Variants in SPMIP3 observed in about 807,000 individuals in gnomAD.
SPMIP3 encodes protein SPMIP3.
At chr1:244,360,299 A>G in the SPMIP3 span, among the ~76,000 whole-genome samples, 6 of 152,118 alleles carry the variant, frequency 3.9e-5, no homozygotes, top group African/African-American at 1.4e-4. Flanking sequence ...CACTATGGAG[A>G]ACAGTATGAA....
At chr1:244,375,385 C>T in the SPMIP3 span, 31 of 1,613,652 alleles carry the variant, frequency 1.9e-5, no homozygotes, top group Non-Finnish European at 2.6e-5. Context: ...ATTCATCGCT[C>T]ACCAAGGAAG....
the SPMIP3 span, among the ~76,000 whole-genome samples, chr1:244,366,019 T>C: frequency 6.6e-6 from 1 of 152,062 alleles, no homozygotes; most frequent in African/African-American, 2.4e-5. Flanking sequence ...AGTCCGTAAA[T>C]CCTAACCCCA....
the SPMIP3 span, among the ~76,000 whole-genome samples, chr1:244,370,915 T>C: frequency 6.6e-6 from 1 of 152,142 alleles, no homozygotes; most frequent in Non-Finnish European, 1.5e-5. Context: ...CATGTTTACC[T>C]TGCAAGGTGA....
the SPMIP3 span, among the ~76,000 whole-genome samples, chr1:244,366,537 A>G: frequency 6.6e-6 from 1 of 152,216 alleles, no homozygotes; most frequent in Non-Finnish European, 1.5e-5. Flanking sequence ...TCCAGAAACT[A>G]CAGAAGGAGT....
At chr1:244,381,376 C>T in the SPMIP3 span, among the ~76,000 whole-genome samples, 2 of 152,264 alleles carry the variant, frequency 1.3e-5, no homozygotes, top group African/African-American at 4.8e-5. Flanking sequence ...CTTTGCAACT[C>T]CTCTGCTATG....
the SPMIP3 span, among the ~76,000 whole-genome samples, chr1:244,382,077 C>T: frequency 6.6e-6 from 1 of 152,162 alleles, no homozygotes; most frequent in Non-Finnish European, 1.5e-5. Context: ...CTGGTGACCC[C>T]AGTATGATTT....
chr1:244,361,235 C>CTTTTTCTTTT, the SPMIP3 span, among the ~76,000 whole-genome samples: 1 of 119,314 alleles, frequency 8.4e-6, no homozygotes, highest in African/African-American at 3.0e-5. Flanking sequence ...TTCTTTCTTT[C>CTTTTTCTTTT]TTTTTTTTTT....
chr1:244,359,811 A>G, the SPMIP3 span, among the ~76,000 whole-genome samples: 2 of 151,366 alleles, frequency 1.3e-5, no homozygotes, highest in South Asian at 4.2e-4. Context: ...ACAGGTGTAT[A>G]AAAAAAAAGT....
chr1:244,379,809 G>T, the SPMIP3 span, among the ~76,000 whole-genome samples: 1 of 151,958 alleles, frequency 6.6e-6, no homozygotes, highest in East Asian at 2.0e-4. Flanking sequence ...GAGAAACCCT[G>T]TCTCTACTAA....
the SPMIP3 span, among the ~76,000 whole-genome samples, chr1:244,360,623 C>G: frequency 6.6e-6 from 1 of 151,566 alleles, no homozygotes; most frequent in South Asian, 2.1e-4. Flanking sequence ...GTGACTCATG[C>G]CAGTAATCCC....
At chr1:244,366,741 G>A in the SPMIP3 span, among the ~76,000 whole-genome samples, 8 of 152,208 alleles carry the variant, frequency 5.3e-5, no homozygotes, top group East Asian at 1.9e-4. Context: ...TTAGCCAGGC[G>A]TGGTGGCACA....
the SPMIP3 span, among the ~76,000 whole-genome samples, chr1:244,368,123 C>T: frequency 1.3e-5 from 2 of 152,034 alleles, no homozygotes; most frequent in African/African-American, 4.8e-5. Flanking sequence ...CCACACCTGG[C>T]TAATTTTTTA....
At chr1:244,353,631 A>T in the SPMIP3 span, among the ~76,000 whole-genome samples, 1 of 152,176 alleles carries the variant, frequency 6.6e-6, no homozygotes, top group Non-Finnish European at 1.5e-5. Flanking sequence ...CTCAGAAGAG[A>T]GGCCTCCTAG....
At chr1:244,388,102 T>C in the SPMIP3 span, among the ~76,000 whole-genome samples, 1 of 152,004 alleles carries the variant, frequency 6.6e-6, no homozygotes, top group South Asian at 2.1e-4. Context: ...TAATTTTGTG[T>C]ATTTTTAGTA....
chr1:244,382,455 G>A, the SPMIP3 span, among the ~76,000 whole-genome samples: 368 of 152,258 alleles, frequency 2.4e-3, 3 homozygotes, highest in South Asian at 0.037. Flanking sequence ...ATAGAAAGGA[G>A]ACCAGTGTTG....
the SPMIP3 span, among the ~76,000 whole-genome samples, chr1:244,354,867 C>A: frequency 6.6e-6 from 1 of 152,162 alleles, no homozygotes. Flanking sequence ...ACCTCAGCTG[C>A]CTGGAAGGTA....
At chr1:244,377,302 T>A in the SPMIP3 span, among the ~76,000 whole-genome samples, 1 of 151,722 alleles carries the variant, frequency 6.6e-6, no homozygotes, top group African/African-American at 2.4e-5. Flanking sequence ...TTTTTTGTAT[T>A]TTTAGTAGAG....
chr1:244,373,896 T>C, the SPMIP3 span, among the ~76,000 whole-genome samples: 1 of 152,008 alleles, frequency 6.6e-6, no homozygotes, highest in African/African-American at 2.4e-5. Flanking sequence ...GGCGGATCAC[T>C]TGAGGCCAGG....
chr1:244,364,645 A>G, the SPMIP3 span: 7 of 1,511,390 alleles, frequency 4.6e-6, no homozygotes, highest in Non-Finnish European at 6.4e-6. Flanking sequence ...GGAATTATGT[A>G]TAAACTGGCA....
Sources: gnomAD v4.1 joint callset for allele counts (sites outside exome capture counted in the v4.1 genomes callset) on GRCh38, gnomAD v4.1.1 for gene constraint, MANE v1.5 for transcripts, NCBI Gene and HGNC (gene_info 2026-07-23, HGNC 2026-07-21) for gene names.